Variants in RNPEPL1 observed in about 807,000 individuals in gnomAD.
RNPEPL1 encodes the protein arginyl aminopeptidase like 1.
A neutral mutation model predicts 69.0 loss-of-function variants in RNPEPL1; 46 were observed. The observed-to-expected ratio is 0.67, with a 90% CI of 0.53 to 0.85. The LOEUF (loss-of-function observed/expected upper bound fraction) is 0.85. Among genes scored for constraint, RNPEPL1 ranks in the 40% least tolerant of loss-of-function variants. The pLI, the probability that RNPEPL1 is intolerant of heterozygous loss-of-function variation, is 0.00. For missense variants in RNPEPL1, 869 were observed against 992.5 expected (o/e 0.88, Z 1.67); for synonymous variants, 525 against 454.1 (o/e 1.16, Z -1.98).
At chr2:240,576,476 T>G in intron 8 of RNPEPL1, 59 bp from the exon 9 acceptor site, 1 of 1,496,080 alleles carries the variant, frequency 6.7e-7, no homozygotes. Flanking sequence ...CTGGGCAGAT[T>G]GCTCAGGCAG....
intron 2 of RNPEPL1, 50 bp from the exon 3 acceptor site, chr2:240,573,060 T>C (rs757577245): frequency 1.3e-6 from 2 of 1,538,042 alleles, no homozygotes; most frequent in Non-Finnish European, 1.8e-6. Context: ...GCCGGGGCTA[T>C]GGGTGTGCTG....
At position 240,576,886 on chromosome 2, in the gene RNPEPL1, C is replaced by T; in HGVS notation, c.1780C>T (p.Leu594=). The change falls in exon 10 of 11, where the codon CTG becomes TTG. Residue 594 remains leucine, a synonymous_variant. Coordinates refer to ENST00000270357, the MANE Select transcript of RNPEPL1 (RefSeq NM_018226.6). ...CCTGTCCAAGTGCTACTCCTCCCTG[C>T]TGGACTCGATGAACGCTGAGATCCG... ...MSLSKCYSSL[L]DSMNAEIRIR... 2 of 1,613,362 alleles carry T rather than the reference C, an allele frequency of 1.2e-6. No individual in the cohort carries two copies. The highest frequency in any genetic ancestry group is 1.7e-6 in the Non-Finnish European group (2 of 1,179,978).
chr2:240,577,591 TC>T lies in RNPEPL1; in HGVS notation c.1885-6del, dbSNP rs2093041339. 6.4e-7 allele frequency: 1 copy of T among 1,551,786 alleles called. No homozygotes were observed. Among genetic ancestry groups the T allele is most frequent in the African/African-American group, 1.4e-5 (1 of 73,768 alleles). On this transcript the variant is annotated splice_region_variant and splice_polypyrimidine_tract_variant and intron_variant, in intron 10 of 10. Coordinates refer to ENST00000270357, the MANE Select transcript of RNPEPL1 (RefSeq NM_018226.6). ...GCCCACCAGTGTGACCGAGTGCCCC[TC>T]CTGCAGATGTCACGCATGTACACCA...
At position 240,574,171 on chromosome 2, in the gene RNPEPL1, C is replaced by T; in HGVS notation, c.997C>T (p.Leu333Phe). ...FPIVAMENPC[L>F]TFIISSILES... ...CATCGTGGCCATGGAGAACCCCTGC[C>T]TCACCTTCATCATCTCCTCCATCCT... The change falls in exon 5 of 11, where the codon CTC becomes TTC. Residue 333 changes from leucine (L) to phenylalanine (F), a missense_variant. By Grantham distance (22) the Leu-to-Phe change is conservative (BLOSUM62 0). Coordinates refer to ENST00000270357, the MANE Select transcript of RNPEPL1 (RefSeq NM_018226.6). 6.2e-7 allele frequency: 1 copy of T among 1,613,492 alleles called. No individual in the cohort carries two copies. The highest frequency in any genetic ancestry group is 8.5e-7 in the Non-Finnish European group (1 of 1,179,920).
chr2:240,581,167 C>A lies in RNPEPL1; in HGVS notation c.*3275C>A, dbSNP rs2093051129. The A allele has an allele frequency of 1.3e-5, 2 of 152,168 alleles. No individual in the cohort carries two copies. The highest frequency in any genetic ancestry group is 1.3e-4 in the Admixed American group (2 of 15,276). 9.4% of individuals were successfully genotyped at this position (152,168 alleles called of 1,614,324 possible). A position where few individuals can be genotyped will look rare whatever the true frequency, so the allele number is the denominator to read the frequency against. ...ACAGGCCACTCAACCCAAACTTACA[C>A]CTGAGACAGAGGCAACAGAAAAATC... On this transcript the variant is annotated 3_prime_UTR_variant, in exon 11 of 11. Transcript: ENST00000270357.
Position 240,576,539 on chromosome 2 carries a change from G to A in RNPEPL1, c.1515G>A (p.Leu505=). ...AGGGTCACTTCTCCCCTCTAGGGCTGGAATTCGAGCGCTGGCTCAATGCCA... is the reference window on the plus strand; with the variant it reads ...AGGGTCACTTCTCCCCTCTAGGGCTAGAATTCGAGCGCTGGCTCAATGCCA... ...KEQSVDCRAG[L]EFERWLNATG... is the part of the protein sequence containing the mutation. The change falls in exon 9 of 11, where the codon CTG becomes CTA. Residue 505 remains leucine, a synonymous_variant. Coordinates refer to ENST00000270357, the MANE Select transcript of RNPEPL1 (RefSeq NM_018226.6). 1.2e-6 allele frequency: 2 copies of A among 1,610,966 alleles called. No homozygotes were observed. The highest frequency in any genetic ancestry group is 4.5e-5 in the East Asian group (2 of 44,792).
chr2:240,576,524 C>A lies in RNPEPL1; in HGVS notation c.1511-11C>A, dbSNP rs760503772. On this transcript the variant is annotated splice_polypyrimidine_tract_variant and intron_variant, in intron 8 of 10. Transcript: ENST00000270357. ...CTGGGCAGGGACCCCAGGGTCACTT[C>A]TCCCCTCTAGGGCTGGAATTCGAGC... The A allele has an allele frequency of 1.5e-5, 24 of 1,604,570 alleles. No individual in the cohort carries two copies. The highest frequency in any genetic ancestry group is 8.5e-5 in the Admixed American group (5 of 58,582).
At position 240,573,808 on chromosome 2, in the gene RNPEPL1, C is replaced by A; in HGVS notation, c.855C>A (p.Pro285=). The A allele has an allele frequency of 6.5e-7, 1 of 1,549,376 alleles. No individual in the cohort carries two copies. The highest frequency in any genetic ancestry group is 2.4e-5 in the East Asian group (1 of 40,990). The change falls in exon 4 of 11, where the codon CCC becomes CCA. Residue 285 remains proline (P), a synonymous_variant. Coordinates refer to ENST00000270357, the MANE Select transcript of RNPEPL1 (RefSeq NM_018226.6). Reference sequence around the variant, plus strand: ...TGTGGGCCGAGCCATGCCTCCTGCCCACGGCCACCAGCAAGCTGTCGGGCG... The same window carrying A: ...TGTGGGCCGAGCCATGCCTCCTGCCAACGGCCACCAGCAAGCTGTCGGGCG... ...SRVWAEPCLL[P]TATSKLSGAV... is the part of the protein sequence containing the mutation.
rs1179110774 is a variant in RNPEPL1, at chr2:240,580,521, G to A, written c.*2629G>A. 1 of 152,370 alleles carries A rather than the reference G, an allele frequency of 6.6e-6. No homozygotes were observed. Among genetic ancestry groups the A allele is most frequent in the African/African-American group, 2.4e-5 (1 of 41,446 alleles). 9.4% of individuals were successfully genotyped at this position (152,370 alleles called of 1,614,324 possible). A position where few individuals can be genotyped will look rare whatever the true frequency, so the allele number is the denominator to read the frequency against. On this transcript the variant is annotated 3_prime_UTR_variant, in exon 11 of 11. Transcript: ENST00000270357. The stretch of plus-strand genomic sequence containing the variant: ...TGCAGGCCCACCTCAGGCTGGCAGG[G>A]GAAGGGGGGATTCTCTTCAATGTGA...
At chr2:240,574,837 C>A in intron 6 of RNPEPL1, 193 bp from the exon 7 acceptor site, 2 of 660,328 alleles carry the variant, frequency 3.0e-6, no homozygotes, top group Non-Finnish European at 5.4e-6. Flanking sequence ...GCAGCAGTCA[C>A]AGTGGTGTGT....
chr2:240,573,031 C>T (rs1203210001), intron 2 of RNPEPL1, 79 bp from the exon 3 acceptor site: 1 of 1,442,464 alleles, frequency 6.9e-7, no homozygotes, highest in African/African-American at 1.4e-5. Context: ...GAATATGGGG[C>T]TGCCTGACAG....
In RNPEPL1 at chr2:240,578,201, T is replaced by TGCC. The variant is rs1055051159; in HGVS notation, c.*313_*315dup. On this transcript the variant is annotated 3_prime_UTR_variant, in exon 11 of 11. Transcript: ENST00000270357. ...GCCCCGGATGCCAGCACCTGCCAGGTGCCGCCCCGGGGCAAGGGCCCCAGC... is the reference window on the plus strand; with the variant it reads ...GCCCCGGATGCCAGCACCTGCCAGGTGCCGCCGCCCCGGGGCAAGGGCCCCAGC... The TGCC allele has an allele frequency of 1.1e-5, 3 of 284,004 alleles. No homozygotes were observed. The highest frequency in any genetic ancestry group is 1.3e-5 in the Non-Finnish European group (2 of 151,018). 17.6% of individuals were successfully genotyped at this position (284,004 alleles called of 1,614,324 possible).
intron 7 of RNPEPL1, 158 bp downstream of exon 7, chr2:240,575,300 G>T: frequency 1.4e-6 from 1 of 735,378 alleles, no homozygotes. Context: ...GGGAGTGCCT[G>T]GGTTGCCACC....
chr2:240,572,501 C>T lies in RNPEPL1; in HGVS notation c.607C>T (p.Arg203Cys), dbSNP rs1391610268. The change falls in exon 2 of 11, where the codon CGC becomes TGC. Residue 203 changes from arginine to cysteine, a missense_variant. Arg to Cys is a radical substitution (Grantham distance 180). Transcript: ENST00000270357. ...VFTQGHSVCN[R>C]SFFPCFDTPA... ...CACCCAGGGCCACTCCGTGTGCAAC[C>T]GCTCCTTCTTCCCGTGCTTCGACAC... is the stretch of plus-strand genomic sequence containing the variant. 15 of 1,536,174 alleles carry T rather than the reference C, an allele frequency of 9.8e-6. No individual in the cohort carries two copies. The highest frequency in any genetic ancestry group is 2.4e-5 in the East Asian group (1 of 41,064).
At chr2:240,573,319 G>C in intron 3 of RNPEPL1, 58 bp downstream of exon 3, 1 of 1,500,538 alleles carries the variant, frequency 6.7e-7, no homozygotes, top group South Asian at 1.3e-5. Flanking sequence ...GAGCCCCACC[G>C]GGGGTCTGTG....
rs913004990 is a variant in RNPEPL1 at position 240,568,877 on chromosome 2, C to T, written c.291C>T (p.Ala97=). Residue 97 remains alanine, a synonymous_variant, in exon 1 of 11, where the codon GCC becomes GCT. Coordinates refer to ENST00000270357, the MANE Select transcript of RNPEPL1 (RefSeq NM_018226.6). This position sits in a 1 kb window ranked among gnomAD's most constrained non-coding sequence, Gnocchi z 6.2. The part of the protein sequence containing the change: ...SAAFRRAPAA[A]AETPCAFAFS... ...CCTTCCGTCGCGCCCCCGCCGCCGC[C>T]GCCGAGACGCCCTGCGCCTTCGCCT... 5 of 1,234,648 alleles carry T rather than the reference C, an allele frequency of 4.0e-6. No homozygotes were observed. Among genetic ancestry groups the T allele is most frequent in the South Asian group, 2.5e-5 (1 of 40,746 alleles). 76.5% of individuals were successfully genotyped at this position (1,234,648 alleles called of 1,614,324 possible).
chr2:240,569,199 C>T, intron 1 of RNPEPL1, 85 bp downstream of exon 1: 1 of 1,323,364 alleles, frequency 7.6e-7, no homozygotes, highest in Non-Finnish European at 9.7e-7. Context: ...GGCTGAGGGA[C>T]GCGAATCTGC....
At chr2:240,576,425 ACAGGC>A (rs1387488885) in intron 8 of RNPEPL1, 105 bp from the exon 9 acceptor site, 1 of 1,056,456 alleles carries the variant, frequency 9.5e-7, no homozygotes, top group African/African-American at 1.6e-5. Flanking sequence ...CGTCCCTGGA[ACAGGC>A]CACCTGCCTG....
intron 8 of RNPEPL1, chr2:240,576,305 T>C (rs1258104686): frequency 1.7e-6 from 1 of 587,556 alleles, no homozygotes; most frequent in Admixed American, 3.0e-5. Context: ...TGCGAGTCCC[T>C]TGGTCACCAA....
Sources: allele counts gnomAD v4.1 joint callset, GRCh38; gene constraint gnomAD v4.1.1; non-coding constraint Gnocchi (gnomAD v3.1); transcripts MANE v1.5; gene names NCBI Gene and HGNC (gene_info 2026-07-23, HGNC 2026-07-21).